MAGI1: variants seen among roughly 807,000 people sequenced by gnomAD.
MAGI1 encodes the protein membrane-associated guanylate kinase, WW and PDZ domain-containing protein 1.
A neutral mutation model predicts 139.9 loss-of-function variants in MAGI1; 58 were observed. The ratio of observed to expected loss-of-function variants is 0.41; its 90% CI spans 0.34 to 0.52. MAGI1 has a LOEUF of 0.52. MAGI1 is among the 20% of genes least tolerant of loss of function. The probability of loss-of-function intolerance (pLI) is 0.12; values close to 1 mark genes in which losing one functional copy is unlikely to be tolerated. For missense variants in MAGI1, 1,874 were observed against 1,901.6 expected, an observed-to-expected ratio of 0.99 and a Z score of 0.27; for synonymous variants, 812 against 737.9, an observed-to-expected ratio of 1.10 and a Z score of -1.63.
chr3:65,707,721 G>T (rs1013033304), intron 1 of MAGI1, among the ~76,000 whole-genome samples: 1 of 139,930 alleles, frequency 7.1e-6, no homozygotes, highest in Non-Finnish European at 1.6e-5. Flanking sequence ...GTTGGCAAAA[G>T]AATCCCTGGA....
chr3:66,034,589 C>G (rs1030417386), intron 1 of MAGI1, among the ~76,000 whole-genome samples: 1 of 152,094 alleles, frequency 6.6e-6, no homozygotes. Flanking sequence ...ATTCAAAAGA[C>G]AAACAAAATC....
intron 1 of MAGI1, among the ~76,000 whole-genome samples, chr3:65,851,896 T>C (rs1169321481): frequency 6.6e-6 from 1 of 152,188 alleles, no homozygotes. Context: ...TTAGAACATA[T>C]GCATCATAAG....
At chr3:65,942,218 GAA>G (rs200308984) in intron 1 of MAGI1, among the ~76,000 whole-genome samples, 2 of 140,980 alleles carry the variant, frequency 1.4e-5, no homozygotes, top group African/African-American at 5.2e-5. Flanking sequence ...ACCATTTGCA[GAA>G]AAAAAAAAAA....
chr3:65,401,823 T>C, intron 12 of MAGI1: 1 of 1,292,436 alleles, frequency 7.7e-7, no homozygotes, highest in Non-Finnish European at 9.9e-7. Context: ...TACAATTAAG[T>C]CCAGGTTATT....
intron 1 of MAGI1, among the ~76,000 whole-genome samples, chr3:65,959,027 G>A (rs1409902269): frequency 6.6e-6 from 1 of 151,210 alleles, no homozygotes; most frequent in Admixed American, 6.6e-5. Flanking sequence ...TTTGCCCCTT[G>A]TCCAGAGTAG....
At chr3:65,810,057 T>C (rs1559904204) in intron 1 of MAGI1, among the ~76,000 whole-genome samples, 2 of 152,120 alleles carry the variant, frequency 1.3e-5, no homozygotes, top group Non-Finnish European at 2.9e-5. Flanking sequence ...CAGGACTTAT[T>C]TACCAAAGTA....
intron 1 of MAGI1, among the ~76,000 whole-genome samples, chr3:65,819,207 C>G (rs2041793781): frequency 6.6e-6 from 1 of 152,146 alleles, no homozygotes; most frequent in Non-Finnish European, 1.5e-5. Context: ...TCACTTGAAC[C>G]TGGGAGGCGG....
chr3:65,819,392 C>T (rs1338407387), intron 1 of MAGI1, among the ~76,000 whole-genome samples: 1 of 152,108 alleles, frequency 6.6e-6, no homozygotes, highest in African/African-American at 2.4e-5. Flanking sequence ...TTCACTTGAC[C>T]TAAATTTTAT....
chr3:65,581,340 G>C lies in MAGI1; in HGVS notation c.430+40632C>G, dbSNP rs548826880. On this transcript the variant is annotated intron_variant, in intron 2 of 22. Transcript: ENST00000402939. ...ATGAATAAGAGAATTTTACTGTCCA[G>C]TAAAAAGGAAAATTACTGTACAAGA... Among the ~76,000 whole-genome samples the C allele has an allele frequency of 1.2e-4, 19 of 152,018 alleles. No homozygotes were observed. The East Asian group carries it at 3.5e-3, about 28-fold the overall frequency.
intron 2 of MAGI1, among the ~76,000 whole-genome samples, chr3:65,605,585 G>T (rs1218704298): frequency 6.6e-6 from 1 of 152,156 alleles, no homozygotes; most frequent in Non-Finnish European, 1.5e-5. Flanking sequence ...ACCAGCCCTT[G>T]TAGGCCAACC....
intron 1 of MAGI1, among the ~76,000 whole-genome samples, chr3:65,971,211 T>A (rs1177768294): frequency 6.6e-6 from 1 of 152,160 alleles, no homozygotes; most frequent in Non-Finnish European, 1.5e-5. Flanking sequence ...CAAAAATACA[T>A]AAATAAAACC....
intron 1 of MAGI1, among the ~76,000 whole-genome samples, chr3:65,867,823 C>T (rs939059185): frequency 6.6e-6 from 1 of 152,100 alleles, no homozygotes; most frequent in African/African-American, 2.4e-5. Context: ...CACACCCTAG[C>T]CCCCAAGAAG....
At chr3:65,895,241 A>C (rs2060922396) in intron 1 of MAGI1, among the ~76,000 whole-genome samples, 1 of 152,192 alleles carries the variant, frequency 6.6e-6, no homozygotes, top group Admixed American at 6.5e-5. Context: ...CAGTGTCAGC[A>C]CTTGTTCCCT....
intron 1 of MAGI1, among the ~76,000 whole-genome samples, chr3:65,645,324 G>GA (rs1306750752): frequency 1.3e-5 from 2 of 151,922 alleles, no homozygotes; most frequent in African/African-American, 4.8e-5. Flanking sequence ...ACCTTACATA[G>GA]AAAAAATAGA....
chr3:65,610,694 G>A (rs1306475795), intron 2 of MAGI1, among the ~76,000 whole-genome samples: 1 of 129,330 alleles, frequency 7.7e-6, no homozygotes, highest in African/African-American at 2.9e-5. Flanking sequence ...CTATGAGACG[G>A]GAAAGGAGAA....
At chr3:65,759,014 T>C (rs950971197) in intron 1 of MAGI1, among the ~76,000 whole-genome samples, 1 of 131,742 alleles carries the variant, frequency 7.6e-6, no homozygotes, top group African/African-American at 2.9e-5. Flanking sequence ...TATGATCTCA[T>C]ACATATTTTC....
intron 12 of MAGI1, 152 bp from the exon 13 acceptor site, chr3:65,401,622 G>A: frequency 6.5e-7 from 1 of 1,550,166 alleles, no homozygotes; most frequent in South Asian, 1.2e-5. Flanking sequence ...GAGTTACCAG[G>A]CTGTTCATAT....
chr3:65,807,715 T>C (rs4688605), intron 1 of MAGI1, among the ~76,000 whole-genome samples: 41,719 of 151,980 alleles, frequency 0.27, 6,023 homozygotes, highest in East Asian at 0.4. Flanking sequence ...TAATGTCTGG[T>C]AGTGAGTGAA....
intron 17 of MAGI1, 170 bp downstream of exon 17, chr3:65,379,091 G>C: frequency 1.4e-6 from 2 of 1,412,662 alleles, no homozygotes; most frequent in East Asian, 5.0e-5. Context: ...ACCTTCAAAA[G>C]GGAAAAAGCT....
Sources: gnomAD v4.1 joint callset for allele counts (sites outside exome capture counted in the v4.1 genomes callset) on GRCh38, gnomAD v4.1.1 for gene constraint, MANE v1.5 for transcripts, NCBI Gene and HGNC (gene_info 2026-07-23, HGNC 2026-07-21) for gene names.